The following FNIP2 variants were observed in gnomAD, a reference collection of about 807,000 sequenced individuals.
FNIP2 encodes the protein folliculin interacting protein 2.
In FNIP2, 32 loss-of-function variants were observed where a neutral mutation model predicts 108.7. The observed-to-expected ratio is 0.29, with a 90% CI of 0.22 to 0.40. The LOEUF (loss-of-function observed/expected upper bound fraction) is 0.40, where lower values mean the gene tolerates loss of function less well. FNIP2 is among the 10% of genes least tolerant of loss of function. FNIP2 has a pLI of 1.00. For synonymous variants in FNIP2, 480 were observed against 496.7 expected, an observed-to-expected ratio of 0.97 and a Z score of 0.45; for missense variants, 1,202 against 1,381.6, an observed-to-expected ratio of 0.87 and a Z score of 2.06.
intron 14 of FNIP2, among the ~76,000 whole-genome samples, chr4:158,880,074 C>G (rs1270390765): frequency 2.0e-5 from 3 of 150,004 alleles, no homozygotes; most frequent in Non-Finnish European, 3.0e-5. Flanking sequence ...ACCATTTGAC[C>G]CAGCCATCGC....
At chr4:158,902,475 T>C (rs1729406166) in intron 16 of FNIP2, among the ~76,000 whole-genome samples, 1 of 152,198 alleles carries the variant, frequency 6.6e-6, no homozygotes. Context: ...GGGATCCACT[T>C]GAGGAGGCAG....
chr4:158,827,528 T>A (rs1778224927), intron 2 of FNIP2, among the ~76,000 whole-genome samples: 1 of 152,164 alleles, frequency 6.6e-6, no homozygotes, highest in Admixed American at 6.5e-5. Context: ...AAGAATCCAG[T>A]CAGTGCTCTA....
At chr4:158,816,247 A>C (rs1777561558) in intron 1 of FNIP2, among the ~76,000 whole-genome samples, 1 of 152,220 alleles carries the variant, frequency 6.6e-6, no homozygotes, top group Non-Finnish European at 1.5e-5. Flanking sequence ...GTATTACCTT[A>C]TCTGCATACG....
chr4:158,836,556 C>T (rs963983699), intron 7 of FNIP2: 1 of 151,494 alleles, frequency 6.6e-6, no homozygotes, highest in African/African-American at 2.4e-5. Flanking sequence ...AATCCCAGCA[C>T]TTTGGGAAGC....
intron 1 of FNIP2, among the ~76,000 whole-genome samples, chr4:158,795,564 G>C (rs892611874): frequency 6.6e-6 from 1 of 152,146 alleles, no homozygotes; most frequent in Non-Finnish European, 1.5e-5. Flanking sequence ...AGTTACTTGA[G>C]GAAACACCAC....
intron 7 of FNIP2, among the ~76,000 whole-genome samples, chr4:158,842,384 A>G (rs1270166573): frequency 6.6e-6 from 1 of 152,236 alleles, no homozygotes; most frequent in East Asian, 1.9e-4. Flanking sequence ...CTGCAAATTA[A>G]TCTATAAGTT....
At chr4:158,826,958 G>T (rs557989653) in intron 2 of FNIP2, among the ~76,000 whole-genome samples, 1 of 152,340 alleles carries the variant, frequency 6.6e-6, no homozygotes, top group Admixed American at 6.5e-5. Context: ...TTATAACGCA[G>T]TCTTTGTCTC....
At chr4:158,882,279 G>A (rs546809380) in intron 14 of FNIP2, among the ~76,000 whole-genome samples, 25 of 151,976 alleles carry the variant, frequency 1.6e-4, no homozygotes, top group Non-Finnish European at 3.1e-4. Context: ...CAGCCACCCC[G>A]TCTGGGAAGT....
intron 1 of FNIP2, among the ~76,000 whole-genome samples, chr4:158,804,476 C>T (rs900413971): frequency 2.1e-5 from 3 of 144,316 alleles, no homozygotes; most frequent in East Asian, 2.0e-4. Context: ...TGCAGTGGTG[C>T]GGTCATAGCT....
chr4:158,842,209 T>A (rs2126626846), intron 7 of FNIP2, among the ~76,000 whole-genome samples: 1 of 152,316 alleles, frequency 6.6e-6, no homozygotes, highest in East Asian at 1.9e-4. Context: ...AAATTTGCAT[T>A]CTTACATACC....
chr4:158,801,507 C>T (rs1776762448), intron 1 of FNIP2, among the ~76,000 whole-genome samples: 1 of 152,204 alleles, frequency 6.6e-6, no homozygotes, highest in Admixed American at 6.5e-5. Context: ...GGTGGGCCTG[C>T]TCCTGAGCAA....
chr4:158,875,476 A>C (rs889846234), intron 14 of FNIP2, among the ~76,000 whole-genome samples: 12 of 146,992 alleles, frequency 8.2e-5, no homozygotes, highest in African/African-American at 3.1e-4. Flanking sequence ...TGCAGGAATC[A>C]GTAGCACAGA....
At chr4:158,882,350 C>T (rs923699802) in intron 14 of FNIP2, among the ~76,000 whole-genome samples, 2 of 151,600 alleles carry the variant, frequency 1.3e-5, no homozygotes, top group Non-Finnish European at 2.9e-5. Flanking sequence ...CAGCCCCCGT[C>T]CGGCCAGCCG....
At chr4:158,852,809 C>G (rs183919985) in intron 8 of FNIP2, among the ~76,000 whole-genome samples, 1 of 152,338 alleles carries the variant, frequency 6.6e-6, no homozygotes, top group East Asian at 1.9e-4. Context: ...AAACCATCCT[C>G]TTTCAACATT....
At chr4:158,785,620 C>T (rs558801182) in intron 1 of FNIP2, among the ~76,000 whole-genome samples, 40 of 152,146 alleles carry the variant, frequency 2.6e-4, no homozygotes, top group Admixed American at 3.9e-4. Context: ...TGAGGTCCCG[C>T]GCCCAGCCCT....
chr4:158,830,290 C>T (rs1037431390), intron 3 of FNIP2, among the ~76,000 whole-genome samples: 3 of 114,442 alleles, frequency 2.6e-5, no homozygotes, highest in African/African-American at 1.0e-4. Flanking sequence ...GAGTCTCGCT[C>T]TGTCGCCCAG....
At chr4:158,849,438 G>A (rs747950319) in intron 7 of FNIP2, among the ~76,000 whole-genome samples, 6 of 152,118 alleles carry the variant, frequency 3.9e-5, no homozygotes, top group Non-Finnish European at 5.9e-5. Context: ...TACTGTGACA[G>A]GAGAAAAGTA....
chr4:158,869,958 G>A lies in FNIP2; in HGVS notation c.2793-355G>A, dbSNP rs151195155. ...ATTTCTTCTGTTCTTCCGCACTGTC[G>A]TGGGCACCACTCTGTGCAGATATGT... On this transcript the variant is annotated intron_variant, in intron 13 of 16. Coordinates refer to ENST00000264433, the MANE Select transcript of FNIP2 (RefSeq NM_020840.3). 7.0e-4 allele frequency among the ~76,000 whole-genome samples: 107 copies of A among 152,342 alleles called. 1 individual carries two copies. Among genetic ancestry groups the A allele is most frequent in the African/African-American group, 2.3e-3 (95 of 41,580 alleles).
chr4:158,871,546 A>G, intron 14 of FNIP2: 1 of 985,396 alleles, frequency 1.0e-6, no homozygotes, highest in Non-Finnish European at 1.2e-6. Flanking sequence ...TCAGTAGTGA[A>G]GCAGATGTCA....
Sources: gnomAD v4.1 joint callset for allele counts (sites outside exome capture counted in the v4.1 genomes callset) on GRCh38, gnomAD v4.1.1 for gene constraint, MANE v1.5 for transcripts, NCBI Gene and HGNC (gene_info 2026-07-23, HGNC 2026-07-21) for gene names.